Variants in SPOCK3 observed in about 807,000 individuals in gnomAD.
SPOCK3 encodes SPARC (osteonectin), cwcv and kazal like domains proteoglycan 3.
Under a neutral mutation model 56.6 loss-of-function variants are expected in SPOCK3, and 30 were observed. The ratio of observed to expected loss-of-function variants is 0.53; its 90% CI spans 0.40 to 0.72. The LOEUF (loss-of-function observed/expected upper bound fraction) is 0.72, where lower values mean the gene tolerates loss of function less well. Among genes scored for constraint, SPOCK3 ranks in the 30% least tolerant of loss-of-function variants. The probability of loss-of-function intolerance (pLI) is 0.00; values close to 1 mark genes in which losing one functional copy is unlikely to be tolerated. For missense variants in SPOCK3, 527 were observed against 530.0 expected (o/e 0.99, Z 0.06); for synonymous variants, 196 against 183.3 (o/e 1.07, Z -0.56).
intron 7 of SPOCK3, among the ~76,000 whole-genome samples, chr4:166,766,131 A>C (rs1172629003): frequency 1.3e-5 from 2 of 152,190 alleles, no homozygotes; most frequent in African/African-American, 2.4e-5. Context: ...TGTCATCTGC[A>C]AACAGGGACA....
At chr4:166,866,228 A>G (rs757142934) in intron 6 of SPOCK3, among the ~76,000 whole-genome samples, 2 of 152,196 alleles carry the variant, frequency 1.3e-5, no homozygotes, top group Non-Finnish European at 2.9e-5. Context: ...GGCTAGCCAT[A>G]TGCAGAAAAC....
chr4:166,917,497 G>A (rs780594422), intron 4 of SPOCK3, among the ~76,000 whole-genome samples: 12 of 152,064 alleles, frequency 7.9e-5, no homozygotes, highest in African/African-American at 2.7e-4. Context: ...TTGGTCTTCC[G>A]ACAGTAGCTC....
chr4:167,017,444 T>A (rs1432057705), intron 3 of SPOCK3, among the ~76,000 whole-genome samples: 1 of 152,054 alleles, frequency 6.6e-6, no homozygotes, highest in Non-Finnish European at 1.5e-5. Flanking sequence ...TTCTCCAGAC[T>A]GAAGTGATCT....
intron 4 of SPOCK3, among the ~76,000 whole-genome samples, chr4:166,972,808 A>C (rs1745531805): frequency 6.6e-6 from 1 of 151,860 alleles, no homozygotes; most frequent in Non-Finnish European, 1.5e-5. Context: ...TAAGTAAATT[A>C]CTACTAACAA....
At chr4:166,876,618 GTGA>G (rs1334156782) in intron 6 of SPOCK3, among the ~76,000 whole-genome samples, 11 of 152,074 alleles carry the variant, frequency 7.2e-5, no homozygotes, top group African/African-American at 2.7e-4. Flanking sequence ...TTTTATAGTG[GTGA>G]TGAACATGTA....
In SPOCK3 at chr4:166,748,136, T is replaced by C. The variant is rs1347799619; in HGVS notation, c.932-6077A>G. ...TCTTCATAGAATTGGAAAAAACTAC[T>C]TTAAAGTTCATATGGAATCAAAAAA... On this transcript the variant is annotated intron_variant, in intron 8 of 10. Coordinates refer to ENST00000357545, the MANE Select transcript of SPOCK3 (RefSeq NM_001040159.2). 3.4e-5 allele frequency among the ~76,000 whole-genome samples: 5 copies of C among 146,670 alleles called. No individual in the cohort carries two copies. In the East Asian group the frequency reaches 9.7e-4, roughly 28 times the overall value.
intron 10 of SPOCK3, among the ~76,000 whole-genome samples, chr4:166,735,669 G>T (rs1734145740): frequency 6.6e-6 from 1 of 151,998 alleles, no homozygotes; most frequent in South Asian, 2.1e-4. Flanking sequence ...ATGCAGTGTT[G>T]TCGGCTTAAG....
chr4:166,889,044 T>C (rs1046616547), intron 6 of SPOCK3, 86 bp downstream of exon 6: 12 of 804,170 alleles, frequency 1.5e-5, no homozygotes, highest in Non-Finnish European at 2.5e-5. Context: ...ACAAACTTCA[T>C]TGTGTATTTA....
At chr4:167,013,784 C>T (rs1234999218) in intron 3 of SPOCK3, among the ~76,000 whole-genome samples, 3 of 151,894 alleles carry the variant, frequency 2.0e-5, no homozygotes, top group East Asian at 3.9e-4. Flanking sequence ...TAATGTTTAT[C>T]GGTAGTTCCT....
intron 4 of SPOCK3, among the ~76,000 whole-genome samples, chr4:166,933,224 ACT>A (rs1263603274): frequency 6.6e-6 from 1 of 152,174 alleles, no homozygotes; most frequent in Non-Finnish European, 1.5e-5. Context: ...TAATTTTGCC[ACT>A]CTCTTGCTAA....
At chr4:166,921,830 T>C (rs1318233373) in intron 4 of SPOCK3, among the ~76,000 whole-genome samples, 2 of 152,198 alleles carry the variant, frequency 1.3e-5, no homozygotes, top group African/African-American at 4.8e-5. Flanking sequence ...CCATTAAAAT[T>C]CCCATCACTA....
chr4:167,216,568 G>C (rs17703512), intron 2 of SPOCK3, among the ~76,000 whole-genome samples: 41,199 of 151,848 alleles, frequency 0.27, 6,898 homozygotes, highest in East Asian at 0.43. Context: ...GATTTGATTG[G>C]GAACGCTGAG....
At chr4:167,174,846 T>C (rs187349732) in intron 2 of SPOCK3, among the ~76,000 whole-genome samples, 157 of 152,254 alleles carry the variant, frequency 1.0e-3, no homozygotes, top group Non-Finnish European at 2.1e-3. Context: ...CACACAGGCA[T>C]GCACACAAAC....
chr4:167,137,483 C>T (rs977198262), intron 2 of SPOCK3, among the ~76,000 whole-genome samples: 1 of 151,582 alleles, frequency 6.6e-6, no homozygotes, highest in Non-Finnish European at 1.5e-5. Flanking sequence ...ATTGAAAACC[C>T]TATTACTTTT....
At chr4:167,229,900 G>A (rs1219188736) in intron 2 of SPOCK3, among the ~76,000 whole-genome samples, 3 of 152,052 alleles carry the variant, frequency 2.0e-5, no homozygotes, top group African/African-American at 7.2e-5. Context: ...TAACACTAGT[G>A]GTCACCATTC....
At chr4:167,158,655 A>G (rs1765021362) in intron 2 of SPOCK3, among the ~76,000 whole-genome samples, 1 of 152,034 alleles carries the variant, frequency 6.6e-6, no homozygotes, top group Admixed American at 6.6e-5. Context: ...AAAGCCTAAG[A>G]TTATTACAGT....
Position 167,146,057 on chromosome 4 carries a change from A to T in SPOCK3, c.190-83520T>A, listed in dbSNP as rs149277816. 4.4e-3 allele frequency among the ~76,000 whole-genome samples: 668 copies of T among 152,264 alleles called. 6 individuals carry two copies. The highest frequency in any genetic ancestry group is 0.015 in the African/African-American group (609 of 41,570). Reference sequence around the variant, plus strand: ...CAAGACCTATCAGTGTGCTTTATTCAGGAGACCCATCTCATGTGCAAACAT... The same window carrying T: ...CAAGACCTATCAGTGTGCTTTATTCTGGAGACCCATCTCATGTGCAAACAT... On this transcript the variant is annotated intron_variant, in intron 2 of 10. Coordinates refer to ENST00000357545, the MANE Select transcript of SPOCK3 (RefSeq NM_001040159.2).
chr4:166,873,743 T>C (rs991983368), intron 6 of SPOCK3, among the ~76,000 whole-genome samples: 6 of 152,154 alleles, frequency 3.9e-5, no homozygotes, highest in African/African-American at 1.2e-4. Flanking sequence ...ACTCAACTCA[T>C]TTAATTTGAA....
chr4:166,959,949 C>T (rs1159803199), intron 4 of SPOCK3, among the ~76,000 whole-genome samples: 2 of 151,990 alleles, frequency 1.3e-5, no homozygotes, highest in Non-Finnish European at 2.9e-5. Flanking sequence ...ACAATAAAAG[C>T]ATATTAGACT....
Sources: gnomAD v4.1 joint callset for allele counts (sites outside exome capture counted in the v4.1 genomes callset) on GRCh38, gnomAD v4.1.1 for gene constraint, MANE v1.5 for transcripts, NCBI Gene and HGNC (gene_info 2026-07-23, HGNC 2026-07-21) for gene names.